CNTLN: variants seen among roughly 807,000 people sequenced by gnomAD.
CNTLN encodes the protein centlein.
In CNTLN, 212 loss-of-function variants were observed where a neutral mutation model predicts 180.0. The observed-to-expected ratio is 1.18, with a 90% CI of 1.05 to 1.32. The LOEUF (loss-of-function observed/expected upper bound fraction) is 1.32, where lower values mean the gene tolerates loss of function less well. Ranked by LOEUF, CNTLN falls within the 40% of genes most tolerant of loss-of-function variation. The probability of loss-of-function intolerance (pLI) is 0.00; values close to 1 mark genes in which losing one functional copy is unlikely to be tolerated. For synonymous variants in CNTLN, 722 were observed against 563.1 expected (o/e 1.28, Z -3.99); for missense variants, 2,095 against 1,610.9 (o/e 1.30, Z -5.14).
At chr9:17,312,145 A>G (rs779144775) in intron 8 of CNTLN, among the ~76,000 whole-genome samples, 5 of 151,856 alleles carry the variant, frequency 3.3e-5, no homozygotes, top group Admixed American at 6.6e-5. Context: ...TAATTTTACT[A>G]TGAGCTCCTC....
Position 17,135,265 on chromosome 9 carries a change from G to T in CNTLN, c.200G>T (p.Arg67Leu). 1 of 1,603,006 alleles carries T rather than the reference G, an allele frequency of 6.2e-7. No individual in the cohort carries two copies. Among genetic ancestry groups the T allele is most frequent in the South Asian group, 1.1e-5 (1 of 88,764 alleles). The change falls in exon 1 of 26, where the codon CGA becomes CTA. Residue 67 changes from arginine (R) to leucine (L), a missense_variant. Coordinates refer to ENST00000380647, the MANE Select transcript of CNTLN (RefSeq NM_017738.4). ...GGTGAAGAAGGGTCAGGGGGCCGGC[G>T]AGGGCCTGGGGGGGCAGCTCCGGCT... ...WVGEEGSGGRRGPGGAAPAHA... is the reference protein window; with the variant it reads ...WVGEEGSGGRLGPGGAAPAHA...
intron 2 of CNTLN, among the ~76,000 whole-genome samples, chr9:17,160,785 G>C (rs944511626): frequency 1.3e-5 from 2 of 152,166 alleles, no homozygotes; most frequent in Non-Finnish European, 2.9e-5. Context: ...TAACCTTTAA[G>C]CTTGGATGCC....
chr9:17,331,539 G>C (rs1820643444), intron 9 of CNTLN, among the ~76,000 whole-genome samples: 1 of 151,854 alleles, frequency 6.6e-6, no homozygotes, highest in South Asian at 2.1e-4. Flanking sequence ...TGTTACTTCA[G>C]CAATAAAGGA....
intron 5 of CNTLN, among the ~76,000 whole-genome samples, chr9:17,266,672 T>G (rs1402244416): frequency 6.6e-6 from 1 of 152,194 alleles, no homozygotes; most frequent in African/African-American, 2.4e-5. Flanking sequence ...TGTGGGAGTC[T>G]AAGTCTCTTT....
intron 2 of CNTLN, among the ~76,000 whole-genome samples, chr9:17,206,770 G>T (rs950960193): frequency 3.3e-5 from 5 of 152,164 alleles, no homozygotes; most frequent in Non-Finnish European, 5.9e-5. Flanking sequence ...CCCTTTAGGC[G>T]TTCATCCAGT....
At chr9:17,469,648 C>T (rs1016488095) in intron 23 of CNTLN, among the ~76,000 whole-genome samples, 4 of 151,872 alleles carry the variant, frequency 2.6e-5, no homozygotes. Flanking sequence ...TGTTATTCTG[C>T]TGAAGTCTAA....
At chr9:17,147,705 C>T (rs959670351) in intron 2 of CNTLN, among the ~76,000 whole-genome samples, 1 of 152,056 alleles carries the variant, frequency 6.6e-6, no homozygotes, top group Admixed American at 6.6e-5. Flanking sequence ...AGCTCATCCC[C>T]TCAGAAAGAA....
At chr9:17,242,638 G>A (rs1039260830) in intron 5 of CNTLN, among the ~76,000 whole-genome samples, 3 of 152,156 alleles carry the variant, frequency 2.0e-5, no homozygotes, top group Non-Finnish European at 4.4e-5. Context: ...CTGTTGATAT[G>A]ATGTATCTCA....
chr9:17,303,723 T>C (rs1281940537), intron 7 of CNTLN, among the ~76,000 whole-genome samples: 6 of 152,170 alleles, frequency 3.9e-5, no homozygotes, highest in Admixed American at 2.0e-4. Flanking sequence ...TTATTCCTTG[T>C]CTACACATAT....
chr9:17,240,822 G>C (rs1239206596), intron 5 of CNTLN, among the ~76,000 whole-genome samples: 1 of 152,010 alleles, frequency 6.6e-6, no homozygotes, highest in Non-Finnish European at 1.5e-5. Context: ...TCTTTGTCCA[G>C]TCCAATGTCC....
intron 8 of CNTLN, among the ~76,000 whole-genome samples, chr9:17,312,450 G>T (rs1204275610): frequency 6.9e-6 from 1 of 145,894 alleles, no homozygotes; most frequent in Non-Finnish European, 1.5e-5. Context: ...GCAGTGGCGC[G>T]ATCTCGGCTC....
At chr9:17,310,427 C>T (rs1028889650) in intron 8 of CNTLN, among the ~76,000 whole-genome samples, 6 of 152,198 alleles carry the variant, frequency 3.9e-5, no homozygotes, top group South Asian at 2.1e-4. Context: ...TGTTTAAAAA[C>T]ATTCTATTAT....
intron 10 of CNTLN, among the ~76,000 whole-genome samples, chr9:17,334,246 G>A (rs1189868800): frequency 6.6e-6 from 1 of 152,010 alleles, no homozygotes; most frequent in Non-Finnish European, 1.5e-5. Flanking sequence ...TTTTAGCAGA[G>A]ATGGAGTTTT....
chr9:17,462,958 A>G lies in CNTLN; in HGVS notation c.3349A>G (p.Thr1117Ala), dbSNP rs1463615036. The stretch of plus-strand genomic sequence containing the variant: ...CACTAAACAGTCATCAAATGTGAAG[A>G]CTTTGAAATTTGAACTCCTAGCAAA... ...ELTKQSSNVK[T>A]LKFELLAKEE... is the part of the protein sequence containing the mutation. Residue 1117 changes from threonine to alanine, a missense_variant, in exon 20 of 26, where the codon ACT becomes GCT. Coordinates refer to ENST00000380647, the MANE Select transcript of CNTLN (RefSeq NM_017738.4). 1.3e-6 allele frequency: 2 copies of G among 1,583,882 alleles called. No individual in the cohort carries two copies. Among genetic ancestry groups the G allele is most frequent in the Non-Finnish European group, 1.7e-6 (2 of 1,168,956 alleles).
In CNTLN at chr9:17,416,029, G is replaced by A. The variant is rs764726240; in HGVS notation, c.2954G>A (p.Arg985Gln). The A allele has an allele frequency of 5.6e-6, 9 of 1,613,118 alleles. No homozygotes were observed. Among genetic ancestry groups the A allele is most frequent in the East Asian group, 2.2e-5 (1 of 44,774 alleles). ...TCAAGTAGCAATATTATTTTATTAC[G>A]AGAACGGATTATATCCTTGCAACAA... ...QKSSSNIILL[R>Q]ERIISLQQQN... Residue 985 changes from arginine to glutamine, a missense_variant, in exon 18 of 26, where the codon CGA becomes CAA. By Grantham distance (43) the Arg-to-Gln change is conservative (BLOSUM62 1). Coordinates refer to ENST00000380647, the MANE Select transcript of CNTLN (RefSeq NM_017738.4).
intron 3 of CNTLN, among the ~76,000 whole-genome samples, chr9:17,234,708 T>C (rs1421517107): frequency 6.6e-6 from 1 of 152,050 alleles, no homozygotes. Flanking sequence ...TCTTGATGTG[T>C]CTCTTTCTTG....
intron 6 of CNTLN, among the ~76,000 whole-genome samples, chr9:17,294,023 T>C (rs1393299895): frequency 6.6e-6 from 1 of 152,188 alleles, no homozygotes; most frequent in East Asian, 1.9e-4. Flanking sequence ...TTACAGTTCT[T>C]AAAAGCGGCG....
chr9:17,296,430 A>T (rs1336071269), intron 6 of CNTLN, among the ~76,000 whole-genome samples: 1 of 152,148 alleles, frequency 6.6e-6, no homozygotes, highest in Non-Finnish European at 1.5e-5. Flanking sequence ...GTCTTCTAAC[A>T]TGGGAATATA....
chr9:17,177,679 G>A (rs1663920597), intron 2 of CNTLN, among the ~76,000 whole-genome samples: 1 of 152,018 alleles, frequency 6.6e-6, no homozygotes, highest in South Asian at 2.1e-4. Flanking sequence ...CACATCCGGA[G>A]TTGTTCGTTC....
Sources: gnomAD v4.1 joint callset for allele counts (sites outside exome capture counted in the v4.1 genomes callset) on GRCh38, gnomAD v4.1.1 for gene constraint, MANE v1.5 for transcripts, NCBI Gene and HGNC (gene_info 2026-07-23, HGNC 2026-07-21) for gene names.